Variants in KCNS3 observed in about 807,000 individuals in gnomAD.
KCNS3 encodes delayed-rectifier potassium channel regulatory subunit KCNS3.
KCNS3 carries 13 observed loss-of-function variants against 31.0 expected under a neutral mutation model. The observed-to-expected ratio is 0.42, with a 90% CI of 0.27 to 0.67. The LOEUF (loss-of-function observed/expected upper bound fraction) is 0.67. Ranked by LOEUF, KCNS3 falls within the 30% of genes least tolerant of loss-of-function variation. KCNS3 has a pLI of 0.25. For synonymous variants in KCNS3, 238 were observed against 241.5 expected (o/e 0.99, Z 0.13); for missense variants, 545 against 622.4 (o/e 0.88, Z 1.32).
At chr2:17,899,350 T>C (rs1321906248) in intron 1 of KCNS3, among the ~76,000 whole-genome samples, 1 of 152,174 alleles carries the variant, frequency 6.6e-6, no homozygotes, top group African/African-American at 2.4e-5. Context: ...TTATTTCTTA[T>C]AATCAAATTT....
chr2:17,927,949 G>A (rs1035385485), intron 2 of KCNS3, among the ~76,000 whole-genome samples: 4 of 152,138 alleles, frequency 2.6e-5, no homozygotes, highest in African/African-American at 7.2e-5. Context: ...GATTTCTTGT[G>A]TCTCCCTAAA....
At chr2:17,884,514 C>A (rs1468585986) in intron 1 of KCNS3, among the ~76,000 whole-genome samples, 3 of 151,686 alleles carry the variant, frequency 2.0e-5, no homozygotes, top group Non-Finnish European at 4.4e-5. Context: ...GCAGAAGCCT[C>A]GTTTGGAGGT....
At chr2:17,889,423 T>G (rs1163182672) in intron 1 of KCNS3, among the ~76,000 whole-genome samples, 1 of 152,184 alleles carries the variant, frequency 6.6e-6, no homozygotes, top group Non-Finnish European at 1.5e-5. Flanking sequence ...CTTTATTTCC[T>G]TCTCTTGTCT....
chr2:17,881,372 T>C (rs763211824), intron 1 of KCNS3, among the ~76,000 whole-genome samples: 16 of 152,344 alleles, frequency 1.1e-4, no homozygotes, highest in Admixed American at 2.0e-4. Flanking sequence ...GAATAGGATG[T>C]GGGGACCCAG....
intron 1 of KCNS3, among the ~76,000 whole-genome samples, chr2:17,908,622 G>A (rs531189748): frequency 1.5e-4 from 23 of 152,280 alleles, no homozygotes; most frequent in Admixed American, 3.3e-4. Context: ...TAATGGTGAC[G>A]TACAGATGGG....
intron 2 of KCNS3, among the ~76,000 whole-genome samples, chr2:17,930,015 A>C (rs150817145): frequency 7.9e-5 from 12 of 152,184 alleles, no homozygotes; most frequent in Non-Finnish European, 5.9e-5. Context: ...ACGTCATTGC[A>C]TTGGGTGAGG....
chr2:17,926,128 G>A (rs539303904), intron 2 of KCNS3, among the ~76,000 whole-genome samples: 2 of 152,308 alleles, frequency 1.3e-5, no homozygotes, highest in African/African-American at 4.8e-5. Flanking sequence ...GAGCCATTAA[G>A]TCTTAAAGCT....
chr2:17,896,086 C>T (rs534451491), intron 1 of KCNS3, among the ~76,000 whole-genome samples: 1 of 152,110 alleles, frequency 6.6e-6, no homozygotes, highest in East Asian at 1.9e-4. Flanking sequence ...ACTCTGTTGC[C>T]CAGTGGAGTG....
chr2:17,932,138 AC>A lies in KCNS3; in HGVS notation c.1133del (p.Pro378ArgfsTer81). On this transcript the variant is annotated frameshift_variant, in exon 3 of 3. Coordinates refer to ENST00000304101, the MANE Select transcript of KCNS3 (RefSeq NM_002252.5). LOFTEE classifies it high-confidence loss of function. ...SMTTVGYGDT[H>X]PVTLAGKLIA... is the part of the protein sequence containing the mutation. ...ACAACTGTGGGCTATGGAGACACCC[AC>A]CCGGTCACCTTGGCGGGAAAGCTCA... 6.2e-7 allele frequency: 1 copy of A among 1,613,050 alleles called. No homozygotes were observed. The highest frequency in any genetic ancestry group is 8.5e-7 in the Non-Finnish European group (1 of 1,179,760).
intron 1 of KCNS3, among the ~76,000 whole-genome samples, chr2:17,904,768 G>A (rs1361463622): frequency 1.3e-5 from 2 of 152,156 alleles, no homozygotes; most frequent in Admixed American, 6.5e-5. Context: ...TCAGATGGTC[G>A]TAGATGTGTG....
chr2:17,909,066 C>T (rs893553639), intron 1 of KCNS3, among the ~76,000 whole-genome samples: 10 of 152,242 alleles, frequency 6.6e-5, no homozygotes, highest in Non-Finnish European at 1.3e-4. Context: ...GTGGAGTCTA[C>T]AGAGGCAGGC....
At chr2:17,911,033 T>C (rs56281021) in intron 1 of KCNS3, among the ~76,000 whole-genome samples, 4,089 of 152,262 alleles carry the variant, frequency 0.027, 141 homozygotes, top group African/African-American at 0.079. Context: ...CTTACCTGGC[T>C]CCTTTACTTG....
chr2:17,894,797 C>A (rs1457290808), intron 1 of KCNS3, among the ~76,000 whole-genome samples: 2 of 152,182 alleles, frequency 1.3e-5, no homozygotes, highest in Non-Finnish European at 2.9e-5. Flanking sequence ...CACTGCTGGG[C>A]TTGTTGGAGG....
chr2:17,882,173 GAAC>G (rs1198538237), intron 1 of KCNS3, among the ~76,000 whole-genome samples: 1 of 152,172 alleles, frequency 6.6e-6, no homozygotes, highest in East Asian at 1.9e-4. Context: ...CTCTGAGCTT[GAAC>G]TTATAGTGGA....
intron 1 of KCNS3, among the ~76,000 whole-genome samples, chr2:17,896,735 C>G (rs1242580092): frequency 6.6e-6 from 1 of 152,196 alleles, no homozygotes; most frequent in Non-Finnish European, 1.5e-5. Flanking sequence ...AGTATAGCCA[C>G]TGGGTGGACA....
chr2:17,914,249 G>A (rs1263700686), intron 1 of KCNS3, among the ~76,000 whole-genome samples: 1 of 152,200 alleles, frequency 6.6e-6, no homozygotes, highest in Non-Finnish European at 1.5e-5. Context: ...AGACAGAGTA[G>A]ACACTTGTGT....
intron 1 of KCNS3, among the ~76,000 whole-genome samples, chr2:17,888,622 A>C (rs1661748814): frequency 1.4e-5 from 1 of 71,444 alleles, no homozygotes; most frequent in African/African-American, 4.8e-5. Context: ...AGTATAATAA[A>C]AAAAATGTAT....
rs1240353292 is a variant in KCNS3, at chr2:17,930,984, C to G, written c.-25C>G. The stretch of plus-strand genomic sequence containing the variant: ...GATCTTCCTCTTCTCCCTTGCCAGC[C>G]AGCACTCTGCCTTCTGTATCCACCA... On this transcript the variant is annotated 5_prime_UTR_variant, in exon 3 of 3. Coordinates refer to ENST00000304101, the MANE Select transcript of KCNS3 (RefSeq NM_002252.5). The G allele has an allele frequency of 6.2e-7, 1 of 1,600,800 alleles. No individual in the cohort carries two copies. Among genetic ancestry groups the G allele is most frequent in the East Asian group, 2.2e-5 (1 of 44,760 alleles).
chr2:17,929,897 T>C (rs1662917303), intron 2 of KCNS3, among the ~76,000 whole-genome samples: 1 of 152,290 alleles, frequency 6.6e-6, no homozygotes, highest in African/African-American at 2.4e-5. Flanking sequence ...AGCTACCATA[T>C]AGTGTTGGAA....
Sources: allele counts gnomAD v4.1 joint callset (sites outside exome capture counted in the v4.1 genomes callset), GRCh38; gene constraint gnomAD v4.1.1; transcripts MANE v1.5; gene names NCBI Gene and HGNC (gene_info 2026-07-23, HGNC 2026-07-21).